Variants in CSRNP3 observed in about 807,000 individuals in gnomAD.
CSRNP3 encodes cysteine/serine-rich nuclear protein 3.
Under a neutral mutation model 48.0 loss-of-function variants are expected in CSRNP3, and 12 were observed. That is an observed-to-expected ratio of 0.25 (90% CI 0.16 to 0.41). CSRNP3 has a LOEUF of 0.41. CSRNP3 is among the 10% of genes least tolerant of loss of function. The probability of loss-of-function intolerance (pLI) is 1.00; values close to 1 mark genes in which losing one functional copy is unlikely to be tolerated. For missense variants in CSRNP3, 580 were observed against 724.4 expected (o/e 0.80, Z 2.29); for synonymous variants, 263 against 269.7 (o/e 0.98, Z 0.24).
chr2:165,657,722 T>A, intron 4 of CSRNP3, 39 bp from the exon 5 acceptor site: 1 of 1,601,470 alleles, frequency 6.2e-7, no homozygotes, highest in Non-Finnish European at 8.5e-7. Flanking sequence ...TGAAAACTGC[T>A]GCCCCAAGTG....
chr2:165,492,998 C>T (rs16850757), intron 1 of CSRNP3, among the ~76,000 whole-genome samples: 2,286 of 146,262 alleles, frequency 0.016, 51 homozygotes, highest in African/African-American at 0.054. Context: ...TATGATGATA[C>T]GATAAGGTAG....
intron 4 of CSRNP3, among the ~76,000 whole-genome samples, chr2:165,615,166 A>G (rs1257658727): frequency 6.6e-6 from 1 of 152,150 alleles, no homozygotes; most frequent in Non-Finnish European, 1.5e-5. Context: ...GTGAAGTCCT[A>G]TTATTGCTTT....
chr2:165,655,905 CT>C (rs1209890935), intron 4 of CSRNP3, among the ~76,000 whole-genome samples: 1 of 152,178 alleles, frequency 6.6e-6, no homozygotes, highest in African/African-American at 2.4e-5. Flanking sequence ...CCCTAGTGAC[CT>C]CATTTTAATT....
chr2:165,473,888 G>T (rs550034947), intron 1 of CSRNP3, among the ~76,000 whole-genome samples: 2 of 151,996 alleles, frequency 1.3e-5, no homozygotes, highest in Admixed American at 6.6e-5. Context: ...AGATTATAAC[G>T]ATCTAGATAA....
chr2:165,664,943 G>T (rs911614822), intron 5 of CSRNP3, among the ~76,000 whole-genome samples: 1 of 152,142 alleles, frequency 6.6e-6, no homozygotes, highest in African/African-American at 2.4e-5. Flanking sequence ...CCAAAATTTT[G>T]TAACATCTCC....
chr2:165,600,922 A>C (rs1055127316), intron 4 of CSRNP3, among the ~76,000 whole-genome samples: 1 of 152,242 alleles, frequency 6.6e-6, no homozygotes, highest in Non-Finnish European at 1.5e-5. Context: ...GGTATGTGTC[A>C]ACAGCTATGG....
At position 165,681,748 on chromosome 2, in the gene CSRNP3, TATATATATATATACACACAC is replaced by T. The variant is rs1240745290; in HGVS notation, c.*1997_*2016del. ...ATACATATATATATATATATATATATATATATATATATACACACACACACACACATACACATATATATACA... is the reference window on the plus strand; with the variant it reads ...ATACATATATATATATATATATATATACACACACATACACATATATATACA... On this transcript the variant is annotated 3_prime_UTR_variant, in exon 7 of 7. Transcript: ENST00000651982. 1.1e-5 allele frequency: 1 copy of T among 90,866 alleles called. No individual in the cohort carries two copies. Among genetic ancestry groups the T allele is most frequent in the African/African-American group, 3.7e-5 (1 of 27,182 alleles). 5.6% of individuals were successfully genotyped at this position (90,866 alleles called of 1,614,324 possible). A position where few individuals can be genotyped will look rare whatever the true frequency, so the allele number is the denominator to read the frequency against.
At position 165,681,758 on chromosome 2, in the gene CSRNP3, T is replaced by TATAC. The variant is rs1203964557; in HGVS notation, c.*2007_*2010dup. Reference sequence around the variant, plus strand: ...ATATATATATATATATATATATATATATACACACACACACACACATACACA... The same window carrying TATAC: ...ATATATATATATATATATATATATATATACATACACACACACACACACATACACA... On this transcript the variant is annotated 3_prime_UTR_variant, in exon 7 of 7. Coordinates refer to ENST00000651982, the MANE Select transcript of CSRNP3 (RefSeq NM_001172173.2). 2 of 50,810 alleles carry TATAC rather than the reference T, an allele frequency of 3.9e-5. No homozygotes were observed. The highest frequency in any genetic ancestry group is 4.8e-4 in the South Asian group (1 of 2,064). The allele number at this position is 50,810 out of a possible 1,614,324, so 3.1% of individuals were successfully genotyped here.
At chr2:165,496,882 A>T (rs1684290004) in intron 2 of CSRNP3, among the ~76,000 whole-genome samples, 1 of 151,982 alleles carries the variant, frequency 6.6e-6, no homozygotes, top group South Asian at 2.1e-4. Flanking sequence ...CAATTGCAGG[A>T]CTTCTCTATG....
intron 4 of CSRNP3, among the ~76,000 whole-genome samples, chr2:165,630,274 C>T (rs767285674): frequency 8.5e-5 from 13 of 152,226 alleles, no homozygotes; most frequent in Non-Finnish European, 1.5e-4. Flanking sequence ...TTAGTCTTTT[C>T]GTTTTCTACT....
chr2:165,566,024 T>C (rs1247423832), intron 3 of CSRNP3, among the ~76,000 whole-genome samples: 6 of 152,098 alleles, frequency 3.9e-5, no homozygotes, highest in African/African-American at 1.2e-4. Flanking sequence ...TCTGGGTTCA[T>C]AGACAAAATC....
chr2:165,681,748 TATATATATATATAC>T lies in CSRNP3; in HGVS notation c.*1997_*2010del, dbSNP rs1194812026. On this transcript the variant is annotated 3_prime_UTR_variant, in exon 7 of 7. Coordinates refer to ENST00000651982, the MANE Select transcript of CSRNP3 (RefSeq NM_001172173.2). ...ATACATATATATATATATATATATATATATATATATATACACACACACACACACATACACATATA... is the reference window on the plus strand; with the variant it reads ...ATACATATATATATATATATATATATACACACACACACACATACACATATA... 2.2e-5 allele frequency: 2 copies of T among 90,866 alleles called. No individual in the cohort carries two copies. The highest frequency in any genetic ancestry group is 7.4e-5 in the African/African-American group (2 of 27,182). 5.6% of individuals were successfully genotyped at this position (90,866 alleles called of 1,614,324 possible). A position where few individuals can be genotyped will look rare whatever the true frequency, so the allele number is the denominator to read the frequency against.
chr2:165,520,935 C>G (rs985720487), intron 3 of CSRNP3, among the ~76,000 whole-genome samples: 6 of 150,014 alleles, frequency 4.0e-5, no homozygotes, highest in African/African-American at 1.2e-4. Flanking sequence ...TCAAGTGATT[C>G]TTCTGAGCCT....
At chr2:165,600,096 A>C (rs1270382813) in intron 4 of CSRNP3, among the ~76,000 whole-genome samples, 10 of 129,260 alleles carry the variant, frequency 7.7e-5, no homozygotes, top group African/African-American at 9.0e-5. Context: ...CCCCCACCCC[A>C]CAACAGTCCC....
chr2:165,544,778 A>C (rs747937856), intron 3 of CSRNP3, among the ~76,000 whole-genome samples: 8 of 152,278 alleles, frequency 5.3e-5, no homozygotes, highest in Admixed American at 6.5e-5. Flanking sequence ...AGTTTAGGAG[A>C]ATAGTCTGGA....
chr2:165,579,583 A>G (rs563894783), intron 3 of CSRNP3, among the ~76,000 whole-genome samples: 2 of 152,324 alleles, frequency 1.3e-5, no homozygotes, highest in African/African-American at 4.8e-5. Flanking sequence ...AGCCTGGCAC[A>G]TAGAAAGTGT....
In CSRNP3 at chr2:165,583,252, T is replaced by G. The variant is rs545151663; in HGVS notation, c.-23-11791T>G. Reference sequence around the variant, plus strand: ...CTTTTTTTTCTTTTAGAAAAATGCATAACTATTCTCAAAATGTATGAAGTG... The same window carrying G: ...CTTTTTTTTCTTTTAGAAAAATGCAGAACTATTCTCAAAATGTATGAAGTG... On this transcript the variant is annotated intron_variant, in intron 3 of 6. Coordinates refer to ENST00000651982, the MANE Select transcript of CSRNP3 (RefSeq NM_001172173.2). Among the ~76,000 whole-genome samples the G allele has an allele frequency of 2.1e-3, 316 of 152,314 alleles. 2 individuals are homozygous for G. Among genetic ancestry groups the G allele is most frequent in the Non-Finnish European group, 3.9e-3 (263 of 68,028 alleles).
chr2:165,621,853 C>T (rs1686345284), intron 4 of CSRNP3, among the ~76,000 whole-genome samples: 1 of 152,220 alleles, frequency 6.6e-6, no homozygotes, highest in African/African-American at 2.4e-5. Flanking sequence ...TTTTGATTTT[C>T]CACTTGATAT....
chr2:165,577,280 T>A (rs1049560536), intron 3 of CSRNP3, among the ~76,000 whole-genome samples: 1 of 151,890 alleles, frequency 6.6e-6, no homozygotes, highest in Non-Finnish European at 1.5e-5. Flanking sequence ...GTCTTTTTAT[T>A]GCCTATTCTA....
Sources: allele counts gnomAD v4.1 joint callset (sites outside exome capture counted in the v4.1 genomes callset), GRCh38; gene constraint gnomAD v4.1.1; transcripts MANE v1.5; gene names NCBI Gene and HGNC (gene_info 2026-07-23, HGNC 2026-07-21).